The following REPS1 variants were observed in gnomAD, a reference collection of about 807,000 sequenced individuals.
The protein encoded by REPS1 is ralBP1-associated Eps domain-containing protein 1.
Under a neutral mutation model 100.9 loss-of-function variants are expected in REPS1, and 39 were observed. The observed-to-expected ratio is 0.39, with a 90% confidence interval of 0.30 to 0.50. REPS1 has a LOEUF of 0.50. Among genes scored for constraint, REPS1 ranks in the 20% least tolerant of loss-of-function variants. The pLI, the probability that REPS1 is intolerant of heterozygous loss-of-function variation, is 0.86. For missense variants in REPS1, 821 were observed against 968.5 expected, an observed-to-expected ratio of 0.85 and a Z score of 2.02; for synonymous variants, 324 against 340.3, an observed-to-expected ratio of 0.95 and a Z score of 0.53.
chr6:138,966,446 G>A (rs1784029178), intron 1 of REPS1, among the ~76,000 whole-genome samples: 1 of 152,126 alleles, frequency 6.6e-6, no homozygotes, highest in Non-Finnish European at 1.5e-5. Context: ...CATTAACTGT[G>A]CACACACAAT....
At chr6:138,937,702 G>A (rs953357127) in intron 8 of REPS1, among the ~76,000 whole-genome samples, 1 of 152,200 alleles carries the variant, frequency 6.6e-6, no homozygotes, top group Non-Finnish European at 1.5e-5. Flanking sequence ...AGTTGCACAT[G>A]TGAGCAGTGT....
intron 7 of REPS1, among the ~76,000 whole-genome samples, chr6:138,942,093 C>A (rs1441233541): frequency 1.3e-5 from 2 of 152,122 alleles, no homozygotes; most frequent in African/African-American, 4.8e-5. Flanking sequence ...GATCCACCTG[C>A]CTTGGGCTCC....
chr6:138,927,834 A>C (rs971441477), intron 9 of REPS1: 1 of 152,212 alleles, frequency 6.6e-6, no homozygotes. Flanking sequence ...TTACTTATCA[A>C]TATCTGTTAA....
At chr6:138,974,988 C>A (rs1486647968) in intron 1 of REPS1, among the ~76,000 whole-genome samples, 2 of 151,038 alleles carry the variant, frequency 1.3e-5, no homozygotes, top group Admixed American at 1.3e-4. Context: ...GAGTGAGACC[C>A]TGTCTCAAAA....
intron 9 of REPS1, chr6:138,927,494 A>T (rs113728441): frequency 1.3e-5 from 2 of 152,228 alleles, no homozygotes; most frequent in Non-Finnish European, 2.9e-5. Flanking sequence ...CATACAATGT[A>T]TACACACGAA....
chr6:138,962,995 T>C (rs1244075081), intron 1 of REPS1, among the ~76,000 whole-genome samples: 2 of 152,282 alleles, frequency 1.3e-5, no homozygotes, highest in Admixed American at 1.3e-4. Context: ...ACTTCTAAGT[T>C]CAGCATTCAA....
chr6:138,929,528 A>C (rs555288426), intron 9 of REPS1: 1 of 152,846 alleles, frequency 6.5e-6, no homozygotes, highest in South Asian at 2.1e-4. Flanking sequence ...ATGGAAACTG[A>C]ATCAGTCACT....
chr6:138,913,524 T>C (rs574442309), intron 15 of REPS1, among the ~76,000 whole-genome samples: 1 of 152,310 alleles, frequency 6.6e-6, no homozygotes, highest in African/African-American at 2.4e-5. Flanking sequence ...GGCCCACTTA[T>C]ACTCTAATAA....
chr6:138,915,536 T>G (rs1362518646), intron 14 of REPS1, among the ~76,000 whole-genome samples: 4 of 150,894 alleles, frequency 2.7e-5, no homozygotes, highest in Non-Finnish European at 5.9e-5. Context: ...CACTGCAACC[T>G]CTGCTTCCCA....
At chr6:138,913,013 T>C in intron 15 of REPS1, 63 bp from the exon 16 acceptor site, 2 of 1,363,152 alleles carry the variant, frequency 1.5e-6, no homozygotes, top group Non-Finnish European at 2.0e-6. Flanking sequence ...CACAGAGTCA[T>C]CTTCTTCTTC....
chr6:138,945,769 G>T, intron 2 of REPS1, 72 bp from the exon 3 acceptor site: 1 of 1,200,566 alleles, frequency 8.3e-7, no homozygotes, highest in South Asian at 2.0e-5. Context: ...AATAAGACAT[G>T]AATTAGATAT....
intron 7 of REPS1, 69 bp downstream of exon 7, chr6:138,943,444 C>T: frequency 1.0e-6 from 1 of 958,262 alleles, no homozygotes; most frequent in Non-Finnish European, 1.6e-6. Context: ...TTTTAAGGCT[C>T]TAAAATCTAT....
At chr6:138,931,044 C>T (rs2128458410) in intron 8 of REPS1, among the ~76,000 whole-genome samples, 1 of 152,190 alleles carries the variant, frequency 6.6e-6, no homozygotes, top group East Asian at 1.9e-4. Context: ...TTGAATATAA[C>T]CCCAGTCAAC....
chr6:138,987,847 G>A lies in REPS1; in HGVS notation c.-165C>T, dbSNP rs1006559618. 2 of 789,594 alleles carry A rather than the reference G, an allele frequency of 2.5e-6. No homozygotes were observed. Among genetic ancestry groups the A allele is most frequent in the African/African-American group, 1.8e-5 (1 of 55,690 alleles). The allele number at this position is 789,594 out of a possible 1,614,324, so 48.9% of individuals were successfully genotyped here. On this transcript the variant is annotated 5_prime_UTR_variant, in exon 1 of 20. Coordinates refer to ENST00000450536, the MANE Select transcript of REPS1 (RefSeq NM_001286611.2). The stretch of plus-strand genomic sequence containing the variant: ...CAGGTGCGCCCGAGCAACAGGGCCC[G>A]GAGGTCGCGAGGAGGGGGCCCGGCT...
At chr6:138,948,656 C>T (rs147072047) in intron 1 of REPS1, among the ~76,000 whole-genome samples, 2 of 152,298 alleles carry the variant, frequency 1.3e-5, no homozygotes, top group Non-Finnish European at 2.9e-5. Context: ...GAGGTTTCTA[C>T]TATGCAGATA....
intron 1 of REPS1, chr6:138,951,296 A>T (rs995697714): frequency 3.9e-5 from 6 of 152,174 alleles, no homozygotes; most frequent in Non-Finnish European, 7.3e-5. Context: ...AAAGATGTTA[A>T]TTTTATCATA....
At chr6:138,948,985 A>T (rs965487346) in intron 1 of REPS1, among the ~76,000 whole-genome samples, 1 of 152,234 alleles carries the variant, frequency 6.6e-6, no homozygotes, top group African/African-American at 2.4e-5. Context: ...GTCCTTCTGA[A>T]GAAATGTAAA....
rs1174394511 is a variant in REPS1 at position 138,921,136 on chromosome 6, T to C, written c.1339-12A>G. The C allele has an allele frequency of 7.9e-6, 12 of 1,526,134 alleles. No individual in the cohort carries two copies. Among genetic ancestry groups the C allele is most frequent in the Admixed American group, 1.8e-5 (1 of 54,892 alleles). The allele number at this position is 1,526,134 out of a possible 1,614,324, so 94.5% of individuals were successfully genotyped here. On this transcript the variant is annotated splice_polypyrimidine_tract_variant and intron_variant, in intron 10 of 19. Coordinates refer to ENST00000450536, the MANE Select transcript of REPS1 (RefSeq NM_001286611.2). ...ACAATAGCAGTATCCTAGAGACAAA[T>C]GGGAGGAAATAAAGAATTTGTATTA...
intron 1 of REPS1, among the ~76,000 whole-genome samples, chr6:138,951,439 A>G (rs1292842195): frequency 1.3e-5 from 2 of 152,120 alleles, no homozygotes; most frequent in Non-Finnish European, 2.9e-5. Context: ...CTAACATAGA[A>G]CCTTCCTTTG....
Sources: gnomAD v4.1 joint callset for allele counts (sites outside exome capture counted in the v4.1 genomes callset) on GRCh38, gnomAD v4.1.1 for gene constraint, MANE v1.5 for transcripts, NCBI Gene and HGNC (gene_info 2026-07-23, HGNC 2026-07-21) for gene names.